Variants in DGKI observed in about 807,000 individuals in gnomAD.
DGKI encodes the protein diacylglycerol kinase iota, also known as DAG kinase iota.
DGKI carries 55 observed loss-of-function variants against 147.5 expected under a neutral mutation model. The observed-to-expected ratio is 0.37, with a 90% confidence interval of 0.30 to 0.47. The LOEUF (loss-of-function observed/expected upper bound fraction) is 0.47, where lower values mean the gene tolerates loss of function less well. Ranked by LOEUF, DGKI falls within the 20% of genes least tolerant of loss-of-function variation. The pLI is 1.00. For synonymous variants in DGKI, 469 were observed against 477.1 expected (o/e 0.98, Z 0.22); for missense variants, 1,007 against 1,323.8 (o/e 0.76, Z 3.71).
At chr7:137,807,589 G>T (rs561355000) in intron 1 of DGKI, among the ~76,000 whole-genome samples, 132 of 152,288 alleles carry the variant, frequency 8.7e-4, no homozygotes, top group Non-Finnish European at 1.4e-3. Flanking sequence ...ATCATCTGGG[G>T]ACCCTGTTAA....
chr7:137,638,659 C>CAT (rs1554446670), intron 6 of DGKI, among the ~76,000 whole-genome samples: 3 of 64,144 alleles, frequency 4.7e-5, no homozygotes, highest in Admixed American at 1.6e-4. Flanking sequence ...TATATACACA[C>CAT]ATATGTATAT....
At chr7:137,488,419 G>C (rs1245326397) in intron 21 of DGKI, among the ~76,000 whole-genome samples, 2 of 151,964 alleles carry the variant, frequency 1.3e-5, no homozygotes, top group African/African-American at 2.4e-5. Context: ...ATCCTACTTA[G>C]GTAGTGTCAA....
intron 1 of DGKI, among the ~76,000 whole-genome samples, chr7:137,741,612 T>G (rs1456368015): frequency 6.6e-6 from 1 of 152,136 alleles, no homozygotes; most frequent in East Asian, 1.9e-4. Context: ...AACGATAAGA[T>G]GAAACAAACC....
intron 6 of DGKI, among the ~76,000 whole-genome samples, chr7:137,635,734 T>C (rs1044735150): frequency 6.6e-6 from 1 of 152,180 alleles, no homozygotes; most frequent in Non-Finnish European, 1.5e-5. Flanking sequence ...TCCACCAGAC[T>C]CAGTATGTTT....
At chr7:137,426,760 A>C (rs529523687) in intron 28 of DGKI, among the ~76,000 whole-genome samples, 2,635 of 151,508 alleles carry the variant, frequency 0.017, 76 homozygotes, top group African/African-American at 0.061. Flanking sequence ...CTAGTCTCTG[A>C]TAAAACAGAC....
intron 1 of DGKI, among the ~76,000 whole-genome samples, chr7:137,778,041 C>T (rs1276098761): frequency 1.3e-5 from 2 of 152,162 alleles, no homozygotes; most frequent in African/African-American, 4.8e-5. Context: ...ACACAGCTCA[C>T]AGTGTAATAA....
At chr7:137,711,685 T>A (rs12707371) in intron 1 of DGKI, among the ~76,000 whole-genome samples, 6 of 44,012 alleles carry the variant, frequency 1.4e-4, no homozygotes, top group African/African-American at 6.4e-4. Context: ...GGATACCAAC[T>A]TTTTTTTTTT....
intron 6 of DGKI, among the ~76,000 whole-genome samples, chr7:137,639,167 T>G (rs1821529486): frequency 6.6e-6 from 1 of 152,214 alleles, no homozygotes; most frequent in Non-Finnish European, 1.5e-5. Context: ...TAGTTTATAC[T>G]TCAATCAAAT....
intron 10 of DGKI, 107 bp from the exon 11 acceptor site, chr7:137,600,012 G>C: frequency 3.1e-6 from 3 of 962,432 alleles, no homozygotes; most frequent in Non-Finnish European, 4.7e-6. Flanking sequence ...CACAGGGCAC[G>C]GTGGCACACG....
intron 5 of DGKI, among the ~76,000 whole-genome samples, chr7:137,648,309 GTGAAATCATGGC>G (rs1821903798): frequency 6.6e-6 from 1 of 152,216 alleles, no homozygotes; most frequent in African/African-American, 2.4e-5. Flanking sequence ...AATTACCTGT[GTGAAATCATGGC>G]TGACTCATGG....
At chr7:137,642,337 G>GA (rs1468159309) in intron 6 of DGKI, among the ~76,000 whole-genome samples, 1 of 152,152 alleles carries the variant, frequency 6.6e-6, no homozygotes, top group African/African-American at 2.4e-5. Context: ...TCTTGTGACT[G>GA]AAAGTTGCAG....
intron 2 of DGKI, among the ~76,000 whole-genome samples, chr7:137,683,204 A>C (rs1045871588): frequency 6.6e-6 from 1 of 151,846 alleles, no homozygotes; most frequent in African/African-American, 2.4e-5. Context: ...AGTTTCCGCC[A>C]AAAGAGAGCC....
chr7:137,621,740 T>C (rs924746283), intron 7 of DGKI, among the ~76,000 whole-genome samples: 2 of 152,208 alleles, frequency 1.3e-5, no homozygotes, highest in Non-Finnish European at 2.9e-5. Flanking sequence ...GACTACAGAT[T>C]AATAGAAAGA....
At chr7:137,647,137 C>T (rs1250625901) in intron 5 of DGKI, among the ~76,000 whole-genome samples, 1 of 152,168 alleles carries the variant, frequency 6.6e-6, no homozygotes, top group African/African-American at 2.4e-5. Context: ...TTGTTGAGTA[C>T]TGTGAGCCAT....
intron 1 of DGKI, among the ~76,000 whole-genome samples, chr7:137,691,811 T>TTTTG (rs1823622603): frequency 1.4e-5 from 2 of 145,730 alleles, no homozygotes; most frequent in African/African-American, 5.1e-5. Context: ...TTTTTTTTTT[T>TTTTG]TTTTTTTTTT....
At chr7:137,478,813 T>C (rs1815269123) in intron 23 of DGKI, among the ~76,000 whole-genome samples, 1 of 152,208 alleles carries the variant, frequency 6.6e-6, no homozygotes, top group Non-Finnish European at 1.5e-5. Flanking sequence ...GATGTTCTCA[T>C]CACTACACAA....
intron 1 of DGKI, among the ~76,000 whole-genome samples, chr7:137,777,357 C>T (rs1476910049): frequency 6.6e-6 from 1 of 152,178 alleles, no homozygotes; most frequent in Non-Finnish European, 1.5e-5. Context: ...AAGAAAGAAT[C>T]TCCATAAAAA....
intron 1 of DGKI, among the ~76,000 whole-genome samples, chr7:137,778,381 C>T (rs1024287042): frequency 2.6e-5 from 4 of 152,070 alleles, no homozygotes; most frequent in African/African-American, 9.7e-5. Flanking sequence ...GATAAGAAAG[C>T]AGAGAGAAAG....
intron 27 of DGKI, among the ~76,000 whole-genome samples, chr7:137,449,305 A>T (rs1813857057): frequency 6.6e-6 from 1 of 152,220 alleles, no homozygotes; most frequent in Admixed American, 6.5e-5. Context: ...GAACAATGGA[A>T]CAGGATAGAG....
Sources: gnomAD v4.1 joint callset for allele counts (sites outside exome capture counted in the v4.1 genomes callset) on GRCh38, gnomAD v4.1.1 for gene constraint, MANE v1.5 for transcripts, NCBI Gene and HGNC (gene_info 2026-07-23, HGNC 2026-07-21) for gene names.